The following ACTN3 variants were observed in gnomAD, a reference collection of about 807,000 sequenced individuals.
ACTN3 encodes the protein actinin alpha 3.
A neutral mutation model predicts 119.6 loss-of-function variants in ACTN3; 91 were observed. The observed-to-expected ratio is 0.76, with a 90% CI of 0.64 to 0.91. ACTN3 has a LOEUF of 0.91. Ranked by LOEUF, ACTN3 falls within the 40% of genes least tolerant of loss-of-function variation. The probability of loss-of-function intolerance (pLI) is 0.00; values close to 1 mark genes in which losing one functional copy is unlikely to be tolerated. For missense variants in ACTN3, 1,221 were observed against 1,215.1 expected (o/e 1.00, Z -0.07); for synonymous variants, 456 against 478.8 (o/e 0.95, Z 0.62).
At position 66,551,639 on chromosome 11, in the gene ACTN3, G is replaced by T; in HGVS notation, c.374G>T (p.Gly125Val). The T allele has an allele frequency of 6.2e-7, 1 of 1,613,602 alleles. No homozygotes were observed. The highest frequency in any genetic ancestry group is 1.7e-5 in the Admixed American group (1 of 60,026). ...AAGGGGGTTAAACTGGTGTCCATTG[G>T]TGCTGAAGGTGAGGAGGTGGCAGGA... Reference protein sequence around the residue: ...ASKGVKLVSIGAEEIVDGNLK... With the variant: ...ASKGVKLVSIVAEEIVDGNLK... The change falls in exon 3 of 21, where the codon GGT becomes GTT. Residue 125 changes from glycine (G) to valine (V), a missense_variant. Gly to Val is a moderately radical substitution (Grantham distance 109). Transcript: ENST00000513398.
upstream of ACTN3, chr11:66,546,420 C>T: frequency 1.1e-6 from 1 of 931,196 alleles, no homozygotes; most frequent in Non-Finnish European, 1.6e-6. Flanking sequence ...GCCCATCCAG[C>T]TGGCTCAGAG....
chr11:66,549,507 G>C (rs1388694392), intron 1 of ACTN3, among the ~76,000 whole-genome samples: 1 of 151,992 alleles, frequency 6.6e-6, no homozygotes, highest in African/African-American at 2.4e-5. Context: ...GGAGGGGGGC[G>C]GATCACCTGA....
chr11:66,546,717 C>T (rs775974919), upstream of ACTN3: 133 of 1,535,382 alleles, frequency 8.7e-5, no homozygotes, highest in Non-Finnish European at 1.1e-4. Context: ...AACCCAGGAT[C>T]TCCGCCGCGA....
At chr11:66,555,662 G>A (rs935633638) in intron 7 of ACTN3, among the ~76,000 whole-genome samples, 2 of 152,184 alleles carry the variant, frequency 1.3e-5, no homozygotes, top group Non-Finnish European at 2.9e-5. Flanking sequence ...AGCTCCCCTG[G>A]GGCACGTCCT....
At position 66,555,211 on chromosome 11, in the gene ACTN3, AG is replaced by A; in HGVS notation, c.636+4del. 6.2e-7 allele frequency: 1 copy of A among 1,613,826 alleles called. No homozygotes were observed. Among genetic ancestry groups the A allele is most frequent in the Non-Finnish European group, 8.5e-7 (1 of 1,179,882 alleles). On this transcript the variant is annotated splice_donor_region_variant and intron_variant, in intron 6 of 20. Transcript: ENST00000513398. ...TCGACTACGCCAAACTGCGAAAGGT[AG>A]AGGCCCCCACCACCCCAGCCCAAGG...
At chr11:66,554,215 AC>A in intron 4 of ACTN3, 84 bp downstream of exon 4, 1 of 1,194,670 alleles carries the variant, frequency 8.4e-7, no homozygotes, top group Non-Finnish European at 1.2e-6. Context: ...AGGCGGGCAG[AC>A]CACTTGAAGG....
intron 12 of ACTN3, 32 bp downstream of exon 12, chr11:66,559,418 CA>C: frequency 6.9e-7 from 1 of 1,440,144 alleles, no homozygotes; most frequent in Non-Finnish European, 9.1e-7. Context: ...CCGCCCCCAA[CA>C]CCCCCGGCCC....
At chr11:66,548,729 C>T (rs972937000) in intron 1 of ACTN3, among the ~76,000 whole-genome samples, 9 of 152,168 alleles carry the variant, frequency 5.9e-5, no homozygotes, top group African/African-American at 2.2e-4. Flanking sequence ...CTTGGAGCAG[C>T]ACGCTGCCTC....
intron 7 of ACTN3, 61 bp from the exon 8 acceptor site, chr11:66,556,084 T>G: frequency 6.8e-7 from 1 of 1,468,202 alleles, no homozygotes. Context: ...CCAGAGAGAG[T>G]TCTCTGCCTG....
intron 11 of ACTN3, 155 bp from the exon 12 acceptor site, chr11:66,559,081 A>G (rs1857670455): frequency 5.6e-6 from 4 of 715,596 alleles, no homozygotes; most frequent in Non-Finnish European, 6.0e-6. Flanking sequence ...ACTTTCACCT[A>G]CGTTATTACA....
In ACTN3 at chr11:66,556,244, A is replaced by G; in HGVS notation, c.804+14A>G. ...GGGGCTGAGCAGGTAAGGCGGCCCAACTGCTGCTGCCTGGGCTTGTGGACC... is the reference window on the plus strand; with the variant it reads ...GGGGCTGAGCAGGTAAGGCGGCCCAGCTGCTGCTGCCTGGGCTTGTGGACC... On this transcript the variant is annotated intron_variant, in intron 8 of 20. Transcript: ENST00000513398. The G allele has an allele frequency of 6.2e-7, 1 of 1,612,318 alleles. No homozygotes were observed. The highest frequency in any genetic ancestry group is 8.5e-7 in the Non-Finnish European group (1 of 1,179,098).
chr11:66,549,773 A>C (rs12418904), intron 1 of ACTN3, among the ~76,000 whole-genome samples: 6,072 of 137,522 alleles, frequency 0.044, 154 homozygotes, highest in Middle Eastern at 0.073. Context: ...GTTTGGCACC[A>C]CCCAGACCTG....
chr11:66,560,216 T>TTAG lies in ACTN3; in HGVS notation c.1583_1584insAGT (p.Phe528delinsLeuVal), dbSNP rs766194003. ...GACCATTGACCGGCTGCAACTGGAG[T>TTAG]TTGCCCGGCGGGCCGCGCCCTTCAA... On this transcript the variant is annotated protein_altering_variant, in exon 14 of 21. Transcript: ENST00000513398. 6.2e-7 allele frequency: 1 copy of TTAG among 1,611,504 alleles called. No homozygotes were observed. Among genetic ancestry groups the TTAG allele is most frequent in the African/African-American group, 1.3e-5 (1 of 75,020 alleles).
intron 15 of ACTN3, 142 bp from the exon 16 acceptor site, chr11:66,561,085 C>T (rs2134940315): frequency 1.7e-6 from 2 of 1,210,962 alleles, no homozygotes; most frequent in East Asian, 2.6e-5. Context: ...GGGTTAGTGA[C>T]TTGCCCAAGA....
rs1857464220 is a variant in ACTN3, at chr11:66,551,292, G to A, written c.201G>A (p.Glu67=). ...SHLRKAGTQI[E]NIEEDFRNGL... ...TGCGCAAGGCAGGCACCCAGATCGAGAACATCGAGGAAGATTTCCGCAATG... is the reference window on the plus strand; with the variant it reads ...TGCGCAAGGCAGGCACCCAGATCGAAAACATCGAGGAAGATTTCCGCAATG... The change falls in exon 2 of 21, where the codon GAG becomes GAA. Residue 67 remains glutamate, a synonymous_variant. Transcript: ENST00000513398. 6.2e-7 allele frequency: 1 copy of A among 1,612,516 alleles called. No individual in the cohort carries two copies. Among genetic ancestry groups the A allele is most frequent in the Non-Finnish European group, 8.5e-7 (1 of 1,179,342 alleles).
chr11:66,562,738 TG>T (rs1382448416), intron 19 of ACTN3, 57 bp from the exon 20 acceptor site: 7 of 1,530,866 alleles, frequency 4.6e-6, no homozygotes, highest in Non-Finnish European at 5.3e-6. Flanking sequence ...GAGGGGACAC[TG>T]GGAGCCCTCC....
At position 66,562,286 on chromosome 11, in the gene ACTN3, C is replaced by T. The variant is rs1457394742; in HGVS notation, c.2352C>T (p.Asp784=). 3 of 1,613,422 alleles carry T rather than the reference C, an allele frequency of 1.9e-6. No individual in the cohort carries two copies. Among genetic ancestry groups the T allele is most frequent in the Admixed American group, 1.7e-5 (1 of 59,992 alleles). ...AGAATGGGATGATGGAGCCTGATGA[C>T]TTCCGAGCTTGCCTCATCTCCATGG... The part of the protein sequence containing the change: ...RKQNGMMEPD[D]FRACLISMGY... Residue 784 remains aspartate (D), a synonymous_variant, in exon 19 of 21, where the codon GAC becomes GAT. Coordinates refer to ENST00000513398, the MANE Select transcript of ACTN3 (RefSeq NM_001104.4).
chr11:66,550,950 C>T (rs997039712), intron 1 of ACTN3: 2 of 533,584 alleles, frequency 3.7e-6, no homozygotes, highest in Admixed American at 4.9e-5. Context: ...TTCTAAGGGC[C>T]CTCCAGTGTT....
chr11:66,560,811 G>C, intron 15 of ACTN3, 56 bp downstream of exon 15: 1 of 1,531,406 alleles, frequency 6.5e-7, no homozygotes, highest in East Asian at 2.3e-5. Context: ...TGACCACCCT[G>C]AAATCTCGGG....
Sources: gnomAD v4.1 joint callset for allele counts (sites outside exome capture counted in the v4.1 genomes callset) on GRCh38, gnomAD v4.1.1 for gene constraint, MANE v1.5 for transcripts, NCBI Gene and HGNC (gene_info 2026-07-23, HGNC 2026-07-21) for gene names.